ATAD2: variants seen among roughly 807,000 people sequenced by gnomAD.
ATAD2 encodes the protein ATPase family AAA domain containing 2.
In ATAD2, 62 loss-of-function variants were observed where a neutral mutation model predicts 168.9. The observed-to-expected ratio is 0.37, with a 90% confidence interval of 0.30 to 0.45. ATAD2 has a LOEUF of 0.45. Among genes scored for constraint, ATAD2 ranks in the 20% least tolerant of loss-of-function variants. ATAD2 has a pLI of 1.00. For missense variants in ATAD2, 1,419 were observed against 1,667.8 expected, an observed-to-expected ratio of 0.85 and a Z score of 2.60; for synonymous variants, 613 against 571.6, an observed-to-expected ratio of 1.07 and a Z score of -1.03.
chr8:123,351,582 G>T (rs1052248453), intron 13 of ATAD2, among the ~76,000 whole-genome samples: 3 of 152,072 alleles, frequency 2.0e-5, no homozygotes, highest in Non-Finnish European at 2.9e-5. Context: ...CCTATACAAA[G>T]AACTACACTA....
At chr8:123,371,961 G>T in intron 3 of ATAD2, 126 bp from the exon 4 acceptor site, 1 of 1,018,586 alleles carries the variant, frequency 9.8e-7, no homozygotes. Flanking sequence ...CTTAAACTTA[G>T]CTTTCTTAAA....
At chr8:123,348,957 C>T (rs977505219) in intron 14 of ATAD2, among the ~76,000 whole-genome samples, 1 of 151,878 alleles carries the variant, frequency 6.6e-6, no homozygotes, top group African/African-American at 2.4e-5. Flanking sequence ...TAAAAAAACT[C>T]GGTAGGATTA....
At chr8:123,347,982 G>A (rs1200007882) in intron 15 of ATAD2, 3 of 620,294 alleles carry the variant, frequency 4.8e-6, no homozygotes, top group Admixed American at 2.8e-5. Context: ...AAGACTTCAT[G>A]AGAAGAAAAT....
intron 2 of ATAD2, among the ~76,000 whole-genome samples, chr8:123,377,454 C>T (rs1829352727): frequency 6.6e-6 from 1 of 152,002 alleles, no homozygotes; most frequent in Admixed American, 6.6e-5. Flanking sequence ...TGTACAGATC[C>T]TTTTAAAGGT....
rs368939507 is a variant in ATAD2 at position 123,359,604 on chromosome 8, A to G, written c.1239T>C (p.Asp413=). ...DRMKIGASLA[D]VDPMQLDSSV... ...AAGAATCTAGTTGCATTGGATCAAC[A>G]TCGGCAAGGCTTGCTCCAATTTTCA... Residue 413 remains aspartate, a synonymous_variant, in exon 10 of 28, where the codon GAT becomes GAC. Coordinates refer to ENST00000287394, the MANE Select transcript of ATAD2 (RefSeq NM_014109.4). 410 of 1,613,080 alleles carry G rather than the reference A, an allele frequency of 2.5e-4. No individual in the cohort carries two copies. Among genetic ancestry groups the G allele is most frequent in the Non-Finnish European group, 3.3e-4 (393 of 1,179,544 alleles).
At chr8:123,357,502 C>T in intron 12 of ATAD2, 60 bp downstream of exon 12, 2 of 1,399,456 alleles carry the variant, frequency 1.4e-6, no homozygotes, top group South Asian at 3.1e-5. Context: ...TTATCTAATC[C>T]TCACACACAT....
intron 1 of ATAD2, among the ~76,000 whole-genome samples, chr8:123,393,709 G>GC (rs1812702281): frequency 6.6e-6 from 1 of 152,036 alleles, no homozygotes; most frequent in Non-Finnish European, 1.5e-5. Context: ...CTGAGACCGG[G>GC]AGTTTGAGAT....
chr8:123,367,612 C>A (rs1376340238), intron 8 of ATAD2, among the ~76,000 whole-genome samples: 1 of 152,024 alleles, frequency 6.6e-6, no homozygotes, highest in Non-Finnish European at 1.5e-5. Flanking sequence ...ATTTCACCAC[C>A]AAAATAGAGG....
chr8:123,389,604 C>G lies in ATAD2; in HGVS notation c.171+6583G>C, dbSNP rs139057771. On this transcript the variant is annotated intron_variant, in intron 1 of 27. Coordinates refer to ENST00000287394, the MANE Select transcript of ATAD2 (RefSeq NM_014109.4). ...GCAGTGAGCCCAGATCGCGCCACTG[C>G]ACTTCAGCCTGGGCGACAGAGCAAG... is the stretch of plus-strand genomic sequence containing the variant. Among the ~76,000 whole-genome samples the G allele has an allele frequency of 5.6e-3, 842 of 151,564 alleles. 5 individuals carry two copies. Among genetic ancestry groups the G allele is most frequent in the Middle Eastern group, 0.01 (3 of 294 alleles).
chr8:123,359,191 C>G (rs1440118254), intron 11 of ATAD2, 30 bp downstream of exon 11: 2 of 1,480,548 alleles, frequency 1.4e-6, no homozygotes, highest in East Asian at 4.6e-5. Flanking sequence ...CAAAGATTTT[C>G]AGCTAAAATT....
intron 1 of ATAD2, among the ~76,000 whole-genome samples, chr8:123,413,740 G>GA (rs1164218932): frequency 6.6e-6 from 1 of 151,918 alleles, no homozygotes; most frequent in Non-Finnish European, 1.5e-5. Flanking sequence ...GACAAAACAG[G>GA]AAAAAAAGCT....
chr8:123,359,796 C>A, intron 9 of ATAD2, 111 bp from the exon 10 acceptor site: 1 of 710,450 alleles, frequency 1.4e-6, no homozygotes. Flanking sequence ...AAATTTCAAC[C>A]GGAGCAATCT....
chr8:123,402,126 G>C lies in ATAD2; in HGVS notation c.-2281-951C>G. 1 of 843,748 alleles carries C rather than the reference G, an allele frequency of 1.2e-6. No individual in the cohort carries two copies. 52.3% of individuals were successfully genotyped at this position (843,748 alleles called of 1,614,324 possible). On this transcript the variant is annotated intron_variant, in intron 1 of 28. Coordinates refer to the ATAD2 transcript ENST00000521903. This position sits in a 1 kb window ranked among gnomAD's most constrained non-coding sequence, Gnocchi z 4.8. ...CTGTACTGACAGCAGTGGAGGCCGA[G>C]GTGGTGGAGGGGGCACCCCCCAGTG...
At position 123,402,188 on chromosome 8, in the gene ATAD2, G is replaced by C; in HGVS notation, c.-2281-1013C>G. On this transcript the variant is annotated intron_variant, in intron 1 of 28. Coordinates refer to the ATAD2 transcript ENST00000521903. This position sits in a 1 kb window ranked among gnomAD's most constrained non-coding sequence, Gnocchi z 4.8. ...GCATAGCCTCCCTCCATCACTGAGTGGTCCACAGATTTGCACTACGGGTTC... is the reference window on the plus strand; with the variant it reads ...GCATAGCCTCCCTCCATCACTGAGTCGTCCACAGATTTGCACTACGGGTTC... The C allele has an allele frequency of 1.5e-6, 1 of 652,004 alleles. No individual in the cohort carries two copies. 40.4% of individuals were successfully genotyped at this position (652,004 alleles called of 1,614,324 possible). A position where few individuals can be genotyped will look rare whatever the true frequency, so the allele number is the denominator to read the frequency against.
intron 11 of ATAD2, among the ~76,000 whole-genome samples, chr8:123,358,058 G>A (rs932749745): frequency 2.0e-5 from 3 of 152,104 alleles, no homozygotes; most frequent in Non-Finnish European, 4.4e-5. Context: ...GGGGGAAAAC[G>A]TATATTGTAA....
chr8:123,345,297 C>G (rs957193279), intron 18 of ATAD2, among the ~76,000 whole-genome samples: 3 of 152,042 alleles, frequency 2.0e-5, no homozygotes, highest in African/African-American at 7.2e-5. Flanking sequence ...CTGGAGAAAT[C>G]TAGAAGATTT....
intron 2 of ATAD2, among the ~76,000 whole-genome samples, chr8:123,376,262 T>C (rs976125389): frequency 7.3e-5 from 11 of 151,698 alleles, no homozygotes; most frequent in Non-Finnish European, 1.3e-4. Context: ...AAAAATTAGC[T>C]GGATGTGGTG....
At chr8:123,329,628 T>G (rs890115457) in intron 24 of ATAD2, among the ~76,000 whole-genome samples, 3 of 151,176 alleles carry the variant, frequency 2.0e-5, no homozygotes, top group Non-Finnish European at 4.4e-5. Context: ...CCGGGCATGG[T>G]GGCCGGTGCC....
At chr8:123,410,095 T>C (rs1031542490) in intron 1 of ATAD2, among the ~76,000 whole-genome samples, 1 of 152,130 alleles carries the variant, frequency 6.6e-6, no homozygotes, top group Admixed American at 6.6e-5. Flanking sequence ...TCCTCTGTTA[T>C]TGATCTCTCT....
Sources: allele counts gnomAD v4.1 joint callset (sites outside exome capture counted in the v4.1 genomes callset), GRCh38; gene constraint gnomAD v4.1.1; non-coding constraint Gnocchi (gnomAD v3.1); transcripts MANE v1.5; gene names NCBI Gene and HGNC (gene_info 2026-07-23, HGNC 2026-07-21).